The following CEP85L variants were observed in gnomAD, a reference collection of about 807,000 sequenced individuals.
CEP85L encodes the protein centrosomal protein 85L, also known as centrosomal protein of 85 kDa-like.
In CEP85L, 60 loss-of-function variants were observed where a neutral mutation model predicts 100.3. The observed-to-expected ratio is 0.60, with a 90% CI of 0.49 to 0.74. The LOEUF is 0.74. CEP85L is among the 30% of genes least tolerant of loss of function. The pLI, the probability that CEP85L is intolerant of heterozygous loss-of-function variation, is 0.00. For missense variants in CEP85L, 973 were observed against 936.2 expected, an observed-to-expected ratio of 1.04 and a Z score of -0.51; for synonymous variants, 319 against 322.7, an observed-to-expected ratio of 0.99 and a Z score of 0.12.
At chr6:118,625,406 G>A (rs1022768336) in intron 2 of CEP85L, among the ~76,000 whole-genome samples, 5 of 152,194 alleles carry the variant, frequency 3.3e-5, no homozygotes, top group African/African-American at 1.2e-4. Flanking sequence ...TTTATGGTAG[G>A]AGCCAGAATA....
intron 6 of CEP85L, 51 bp from the exon 7 acceptor site, chr6:118,483,909 A>AT (rs756315640): frequency 1.3e-6 from 2 of 1,545,936 alleles, no homozygotes; most frequent in Non-Finnish European, 1.8e-6. Context: ...ATTAAAAGAT[A>AT]TAACAAAACC....
chr6:118,669,581 A>T (rs193008530), intron 1 of CEP85L, among the ~76,000 whole-genome samples: 1 of 152,050 alleles, frequency 6.6e-6, no homozygotes, highest in African/African-American at 2.4e-5. Flanking sequence ...AAATATTTTC[A>T]TTAGAAATTT....
intron 1 of CEP85L, among the ~76,000 whole-genome samples, chr6:118,678,622 T>C (rs1007055180): frequency 2.6e-5 from 4 of 152,380 alleles, no homozygotes; most frequent in Non-Finnish European, 5.9e-5. Context: ...GCTGCTACTA[T>C]ATAAATCATT....
At chr6:118,499,302 T>TA (rs1391967537) in intron 5 of CEP85L, among the ~76,000 whole-genome samples, 4 of 152,108 alleles carry the variant, frequency 2.6e-5, no homozygotes, top group Non-Finnish European at 5.9e-5. Context: ...ACCAACAGGC[T>TA]AAAAAAGACA....
rs754327334 is a variant in CEP85L at position 118,469,055 on chromosome 6, A to T, written c.2254+17T>A. On this transcript the variant is annotated intron_variant, in intron 12 of 12. Coordinates refer to ENST00000368491, the MANE Select transcript of CEP85L (RefSeq NM_001042475.3). ...TTCTAATTGCCACAAAATAAGGACA[A>T]GTCATCAGACACTTACATCTTATTC... 102 of 1,557,600 alleles carry T rather than the reference A, an allele frequency of 6.5e-5. No individual in the cohort carries two copies. Among genetic ancestry groups the T allele is most frequent in the Non-Finnish European group, 9.0e-5 (102 of 1,129,710 alleles).
chr6:118,575,812 A>G (rs1177572610), intron 2 of CEP85L, among the ~76,000 whole-genome samples: 1 of 152,052 alleles, frequency 6.6e-6, no homozygotes, highest in Admixed American at 6.6e-5. Context: ...GTGCAGAAAA[A>G]CTAATGAGTA....
rs571453290 is a variant in CEP85L, at chr6:118,461,967, G to T, written c.*3438C>A. On this transcript the variant is annotated 3_prime_UTR_variant, in exon 13 of 13. Coordinates refer to ENST00000368491, the MANE Select transcript of CEP85L (RefSeq NM_001042475.3). ...GTTCTTAGCTACTATGTTACTTAAT[G>T]AACTATTACTGATATTTAAAGAACA... 4.6e-5 allele frequency: 7 copies of T among 152,046 alleles called. No individual in the cohort carries two copies. The South Asian group carries it at 1.5e-3, about 32-fold the overall frequency. The allele number at this position is 152,046 out of a possible 1,614,324, so 9.4% of individuals were successfully genotyped here. A position where few individuals can be genotyped will look rare whatever the true frequency, so the allele number is the denominator to read the frequency against.
intron 1 of CEP85L, among the ~76,000 whole-genome samples, chr6:118,645,057 A>G (rs1476925385): frequency 1.3e-5 from 2 of 152,136 alleles, no homozygotes; most frequent in Non-Finnish European, 2.9e-5. Context: ...GACTCCCTAC[A>G]ACCCCTAACA....
intron 4 of CEP85L, 39 bp downstream of exon 4, chr6:118,523,763 T>C: frequency 1.0e-6 from 1 of 963,854 alleles, no homozygotes; most frequent in South Asian, 1.5e-5. Context: ...TCTAAATTTC[T>C]GTAGGCCTGA....
intron 5 of CEP85L, among the ~76,000 whole-genome samples, chr6:118,503,108 G>A (rs1326795986): frequency 6.6e-6 from 1 of 151,984 alleles, no homozygotes; most frequent in Admixed American, 6.6e-5. Flanking sequence ...CAGGATACAA[G>A]GTTAACACAC....
chr6:118,503,986 G>A (rs2114679757), intron 5 of CEP85L, among the ~76,000 whole-genome samples: 2 of 152,226 alleles, frequency 1.3e-5, no homozygotes, highest in East Asian at 3.9e-4. Context: ...AATGGCAGGA[G>A]AATGAGAAAA....
chr6:118,567,235 G>GTA (rs1779578838), intron 2 of CEP85L, among the ~76,000 whole-genome samples: 1 of 83,588 alleles, frequency 1.2e-5, no homozygotes, highest in Non-Finnish European at 2.3e-5. Context: ...GTGTGTGTGT[G>GTA]TGTGTGTGTG....
At chr6:118,521,556 T>G (rs555741879) in intron 4 of CEP85L, among the ~76,000 whole-genome samples, 93 of 152,348 alleles carry the variant, frequency 6.1e-4, no homozygotes, top group African/African-American at 2.1e-3. Context: ...GTGATTTTGC[T>G]GTTTCCACTG....
chr6:118,533,715 C>G (rs1297811587), intron 3 of CEP85L, among the ~76,000 whole-genome samples: 1 of 152,146 alleles, frequency 6.6e-6, no homozygotes, highest in Non-Finnish European at 1.5e-5. Context: ...AAAATCAAAC[C>G]AAATCCAATC....
chr6:118,685,341 C>T (rs572482114), intron 1 of CEP85L, among the ~76,000 whole-genome samples: 1 of 118,060 alleles, frequency 8.5e-6, no homozygotes, highest in South Asian at 2.8e-4. Flanking sequence ...CAGAAATAAA[C>T]TCTAACCATT....
intron 10 of CEP85L, among the ~76,000 whole-genome samples, chr6:118,473,113 C>T (rs1773089384): frequency 6.6e-6 from 1 of 152,196 alleles, no homozygotes; most frequent in African/African-American, 2.4e-5. Context: ...AAGAAATTCA[C>T]AGGGACATTC....
intron 1 of CEP85L, among the ~76,000 whole-genome samples, chr6:118,681,496 C>T (rs1562356801): frequency 6.6e-6 from 1 of 152,042 alleles, no homozygotes; most frequent in South Asian, 2.1e-4. Context: ...GTAAGCAGAC[C>T]TCATGTTAAT....
At chr6:118,652,308 G>T (rs981662550), upstream of CEP85L, 5 of 754,052 alleles carry the variant, frequency 6.6e-6, no homozygotes, top group Non-Finnish European at 6.5e-6. Context: ...TCCTCTTCTT[G>T]GCCAGTTTCC....
chr6:118,474,572 C>T (rs796385977), intron 10 of CEP85L, among the ~76,000 whole-genome samples: 6 of 152,254 alleles, frequency 3.9e-5, no homozygotes, highest in East Asian at 3.9e-4. Context: ...ACTGGTTCTA[C>T]GCTGGGAGAG....
Sources: allele counts gnomAD v4.1 joint callset (sites outside exome capture counted in the v4.1 genomes callset), GRCh38; gene constraint gnomAD v4.1.1; transcripts MANE v1.5; gene names NCBI Gene and HGNC (gene_info 2026-07-23, HGNC 2026-07-21).